Variants in BACH2 observed in about 807,000 individuals in gnomAD.
The protein encoded by BACH2 is BACH transcriptional regulator 2, also known as transcription regulator protein BACH2.
BACH2 carries 5 observed loss-of-function variants against 61.8 expected under a neutral mutation model. That is an observed-to-expected ratio of 0.08 (90% CI 0.04 to 0.17). BACH2 has a LOEUF of 0.17. Among genes scored for constraint, BACH2 ranks in the 10% least tolerant of loss-of-function variants. The pLI is 1.00. For missense variants in BACH2, 824 were observed against 1,091.1 expected, an observed-to-expected ratio of 0.76 and a Z score of 3.45; for synonymous variants, 446 against 440.1, an observed-to-expected ratio of 1.01 and a Z score of -0.17.
chr6:90,076,050 A>C (rs1781458582), intron 5 of BACH2, among the ~76,000 whole-genome samples: 2 of 152,160 alleles, frequency 1.3e-5, no homozygotes, highest in Admixed American at 6.5e-5. Flanking sequence ...AAAATAGAAG[A>C]AGCGAAAAAA....
At chr6:90,014,440 G>GTGTATATA (rs1330299169) in intron 5 of BACH2, among the ~76,000 whole-genome samples, 4 of 48,038 alleles carry the variant, frequency 8.3e-5, no homozygotes, top group African/African-American at 4.2e-4. Context: ...GTGTGTGTGT[G>GTGTATATA]TATATATATA....
At chr6:90,165,032 T>C (rs994182353) in intron 4 of BACH2, among the ~76,000 whole-genome samples, 6 of 152,134 alleles carry the variant, frequency 3.9e-5, no homozygotes, top group African/African-American at 1.2e-4. Context: ...CTCACCACTC[T>C]TATTCAACAT....
intron 4 of BACH2, among the ~76,000 whole-genome samples, chr6:90,189,609 C>T (rs1468855919): frequency 3.7e-5 from 4 of 109,078 alleles, no homozygotes; most frequent in Non-Finnish European, 7.1e-5. Flanking sequence ...AGCGAGACTC[C>T]GTCTCAAAAA....
intron 4 of BACH2, among the ~76,000 whole-genome samples, chr6:90,195,068 G>C (rs768232640): frequency 3.3e-5 from 5 of 152,164 alleles, no homozygotes; most frequent in Non-Finnish European, 7.3e-5. Flanking sequence ...ATCTCTATTG[G>C]AATTCACCTT....
intron 2 of BACH2, among the ~76,000 whole-genome samples, chr6:90,262,917 A>C (rs189443410): frequency 1.3e-5 from 2 of 152,344 alleles, no homozygotes; most frequent in Admixed American, 1.3e-4. Flanking sequence ...AAGGAAAAGC[A>C]TGGCTTTGAT....
At chr6:90,236,375 C>T (rs1256629940) in intron 3 of BACH2, among the ~76,000 whole-genome samples, 1 of 152,122 alleles carries the variant, frequency 6.6e-6, no homozygotes, top group Non-Finnish European at 1.5e-5. Context: ...CATGGTGGGA[C>T]CCAGAAAGAG....
chr6:90,290,305 G>A (rs1307671653), intron 1 of BACH2, among the ~76,000 whole-genome samples: 1 of 152,146 alleles, frequency 6.6e-6, no homozygotes, highest in African/African-American at 2.4e-5. Context: ...TTTCCTTCAC[G>A]AGCAGTGGGT....
At chr6:90,239,416 A>C (rs1463477818) in intron 3 of BACH2, among the ~76,000 whole-genome samples, 1 of 152,132 alleles carries the variant, frequency 6.6e-6, no homozygotes, top group Non-Finnish European at 1.5e-5. Flanking sequence ...GTCAACTAGA[A>C]AACAAGCGAA....
At chr6:90,108,953 T>C (rs1170193594) in intron 4 of BACH2, among the ~76,000 whole-genome samples, 1 of 152,144 alleles carries the variant, frequency 6.6e-6, no homozygotes, top group East Asian at 1.9e-4. Flanking sequence ...AGAGAATCTG[T>C]TTCTGAATTT....
At chr6:89,985,758 T>A (rs1449343717) in intron 6 of BACH2, among the ~76,000 whole-genome samples, 1 of 152,154 alleles carries the variant, frequency 6.6e-6, no homozygotes, top group South Asian at 2.1e-4. Flanking sequence ...AAACTGGTGT[T>A]AAAGCAGTTC....
intron 5 of BACH2, among the ~76,000 whole-genome samples, chr6:90,055,882 G>A (rs1443201523): frequency 6.6e-6 from 1 of 152,140 alleles, no homozygotes; most frequent in African/African-American, 2.4e-5. Context: ...AGCTTCATAA[G>A]TGAAGGAGAA....
At chr6:90,177,377 G>A (rs1304531798) in intron 4 of BACH2, among the ~76,000 whole-genome samples, 1 of 152,140 alleles carries the variant, frequency 6.6e-6, no homozygotes, top group Non-Finnish European at 1.5e-5. Flanking sequence ...CTACCGTACA[G>A]CAGATCCCAT....
intron 5 of BACH2, among the ~76,000 whole-genome samples, chr6:90,052,104 T>C (rs1780074112): frequency 6.6e-6 from 1 of 152,176 alleles, no homozygotes; most frequent in South Asian, 2.1e-4. Flanking sequence ...TTTAGGGGCA[T>C]AGTATGAGGG....
At chr6:89,973,325 C>T (rs11969265) in intron 6 of BACH2, among the ~76,000 whole-genome samples, 79,452 of 152,102 alleles carry the variant, frequency 0.52, 20,876 homozygotes, top group Non-Finnish European at 0.54. Context: ...ATGCTGCATA[C>T]AGCCATGGTC....
chr6:90,284,151 T>A (rs921418982), intron 1 of BACH2, among the ~76,000 whole-genome samples: 3 of 152,216 alleles, frequency 2.0e-5, no homozygotes. Context: ...ATAAGACCAC[T>A]GTGATACGAA....
In BACH2 at chr6:90,275,222, T is replaced by C. The variant is rs557359902; in HGVS notation, c.-445-3281A>G. Among the ~76,000 whole-genome samples the C allele has an allele frequency of 1.3e-4, 20 of 152,316 alleles. No homozygotes were observed. In the South Asian group the frequency reaches 3.3e-3, roughly 25 times the overall value. ...CTGTTTACAAGTCACTTCTAAAACTTTGCTTTGTTCTACTTGAACAATTTT... is the reference window on the plus strand; with the variant it reads ...CTGTTTACAAGTCACTTCTAAAACTCTGCTTTGTTCTACTTGAACAATTTT... On this transcript the variant is annotated intron_variant, in intron 1 of 8. Transcript: ENST00000257749.
chr6:90,085,463 C>T (rs9451349), intron 5 of BACH2, among the ~76,000 whole-genome samples: 3,889 of 152,306 alleles, frequency 0.026, 149 homozygotes, highest in African/African-American at 0.081. Flanking sequence ...AGCAGCCCCA[C>T]TGCTGGAGCA....
intron 3 of BACH2, among the ~76,000 whole-genome samples, chr6:90,215,694 C>T (rs1191734590): frequency 1.3e-5 from 2 of 152,062 alleles, no homozygotes; most frequent in Non-Finnish European, 2.9e-5. Flanking sequence ...CCATATGTAG[C>T]CAATTCTAGC....
intron 3 of BACH2, among the ~76,000 whole-genome samples, chr6:90,220,451 G>C (rs1769701637): frequency 6.6e-6 from 1 of 152,194 alleles, no homozygotes; most frequent in Non-Finnish European, 1.5e-5. Context: ...CAATGTGGCA[G>C]AGCTACAGAG....
Sources: gnomAD v4.1 joint callset for allele counts (sites outside exome capture counted in the v4.1 genomes callset) on GRCh38, gnomAD v4.1.1 for gene constraint, MANE v1.5 for transcripts, NCBI Gene and HGNC (gene_info 2026-07-23, HGNC 2026-07-21) for gene names.